Variants in CCDC138 observed in about 807,000 individuals in gnomAD.
CCDC138 encodes coiled-coil domain-containing protein 138.
In CCDC138, 66 loss-of-function variants were observed where a neutral mutation model predicts 82.3. That is an observed-to-expected ratio of 0.80 (90% CI 0.66 to 0.98). The LOEUF (loss-of-function observed/expected upper bound fraction) is 0.98. Among genes scored for constraint, CCDC138 ranks in the 50% least tolerant of loss-of-function variants. The pLI is 0.00. For synonymous variants in CCDC138, 297 were observed against 265.4 expected (o/e 1.12, Z -1.16); for missense variants, 816 against 758.9 (o/e 1.08, Z -0.88).
At chr2:108,844,816 C>A (rs978014042) in intron 11 of CCDC138, among the ~76,000 whole-genome samples, 1 of 149,982 alleles carries the variant, frequency 6.7e-6, no homozygotes, top group African/African-American at 2.5e-5. Context: ...GGCACGATCT[C>A]GGCTCACTGC....
rs540136233 is a variant in CCDC138 at position 108,805,412 on chromosome 2, A to G, written c.855+404A>G. Among the ~76,000 whole-genome samples, 5 of 152,248 alleles carry G rather than the reference A, an allele frequency of 3.3e-5. No individual in the cohort carries two copies. In the East Asian group the frequency reaches 7.7e-4, roughly 24 times the overall value. On this transcript the variant is annotated intron_variant, in intron 7 of 14. Transcript: ENST00000295124. Reference sequence around the variant, plus strand: ...TCTCATGGTTATAAACTGGTATCACATTGCAGTATACTTATTTATATAAGT... The same window carrying G: ...TCTCATGGTTATAAACTGGTATCACGTTGCAGTATACTTATTTATATAAGT...
At chr2:108,858,187 T>A (rs1692946674) in intron 13 of CCDC138, among the ~76,000 whole-genome samples, 1 of 152,050 alleles carries the variant, frequency 6.6e-6, no homozygotes, top group Admixed American at 6.5e-5. Context: ...GTACTAAAAA[T>A]ATAAAAATTA....
At chr2:108,850,550 C>G (rs921559021) in intron 12 of CCDC138, among the ~76,000 whole-genome samples, 1 of 152,134 alleles carries the variant, frequency 6.6e-6, no homozygotes, top group African/African-American at 2.4e-5. Context: ...TTCCCAGGTT[C>G]AAGCGATTCT....
intron 10 of CCDC138, among the ~76,000 whole-genome samples, chr2:108,816,890 C>T (rs1329821427): frequency 6.6e-6 from 1 of 152,158 alleles, no homozygotes; most frequent in Non-Finnish European, 1.5e-5. Flanking sequence ...AGAGATCAGA[C>T]CTGGCTTCAT....
intron 6 of CCDC138, among the ~76,000 whole-genome samples, chr2:108,804,156 T>C (rs1238316163): frequency 6.6e-6 from 1 of 152,160 alleles, no homozygotes; most frequent in Non-Finnish European, 1.5e-5. Context: ...ATATCACTAC[T>C]TGGAAGAAGG....
chr2:108,837,974 G>A (rs576439386), intron 10 of CCDC138, among the ~76,000 whole-genome samples: 1 of 151,936 alleles, frequency 6.6e-6, no homozygotes, highest in South Asian at 2.1e-4. Flanking sequence ...AGGAAGACAG[G>A]AGTCAAGGGG....
intron 7 of CCDC138, among the ~76,000 whole-genome samples, chr2:108,806,748 G>A (rs1682939565): frequency 6.6e-6 from 1 of 152,202 alleles, no homozygotes; most frequent in Admixed American, 6.5e-5. Flanking sequence ...AAAAAGATAT[G>A]TTATTTCTGT....
intron 14 of CCDC138, among the ~76,000 whole-genome samples, chr2:108,874,834 G>A (rs17036957): frequency 0.02 from 3,025 of 151,998 alleles, 97 homozygotes; most frequent in African/African-American, 0.069. Flanking sequence ...TAAATTCCTA[G>A]TAAGGCCTAT....
In CCDC138 at chr2:108,812,711, A is replaced by G. The variant is rs985032587; in HGVS notation, c.933+3A>G. On this transcript the variant is annotated splice_donor_region_variant and intron_variant, in intron 8 of 14. Transcript: ENST00000295124. Reference sequence around the variant, plus strand: ...AAGCTCGTTTAGATAATTTACAGGTAAGTTGCCTGTTCTTCTCTACAGACA... The same window carrying G: ...AAGCTCGTTTAGATAATTTACAGGTGAGTTGCCTGTTCTTCTCTACAGACA... The G allele has an allele frequency of 6.2e-7, 1 of 1,607,030 alleles. No homozygotes were observed. The highest frequency in any genetic ancestry group is 8.5e-7 in the Non-Finnish European group (1 of 1,173,820).
chr2:108,884,306 A>G (rs1696371995), intron 2 of CCDC138: 1 of 152,218 alleles, frequency 6.6e-6, no homozygotes, highest in Non-Finnish European at 1.5e-5. Flanking sequence ...GTGAATGTCA[A>G]AGAAAACAGG....
At chr2:108,827,169 T>C (rs1686755444) in intron 10 of CCDC138, among the ~76,000 whole-genome samples, 1 of 152,110 alleles carries the variant, frequency 6.6e-6, no homozygotes, top group Non-Finnish European at 1.5e-5. Flanking sequence ...ATGTTTAGCA[T>C]TGAAAGGCAG....
At chr2:108,803,824 A>G (rs1323584294) in intron 6 of CCDC138, among the ~76,000 whole-genome samples, 2 of 152,136 alleles carry the variant, frequency 1.3e-5, no homozygotes, top group South Asian at 4.1e-4. Context: ...GTGGGAGAAG[A>G]GTGTATTGAG....
At chr2:108,803,235 C>G (rs1326405132) in intron 6 of CCDC138, among the ~76,000 whole-genome samples, 5 of 152,196 alleles carry the variant, frequency 3.3e-5, no homozygotes, top group African/African-American at 1.2e-4. Context: ...CTGTGCCCGC[C>G]TGAGCGGCTC....
Position 108,816,041 on chromosome 2 carries a change from A to T in CCDC138, c.1142A>T (p.Asp381Val), listed in dbSNP as rs1478425097. 6.2e-7 allele frequency: 1 copy of T among 1,613,894 alleles called. No individual in the cohort carries two copies. Among genetic ancestry groups the T allele is most frequent in the Non-Finnish European group, 8.5e-7 (1 of 1,179,876 alleles). Reference protein sequence around the residue: ...SKVKHEESGMDGKKPQLKFAS... With the variant: ...SKVKHEESGMVGKKPQLKFAS... The stretch of plus-strand genomic sequence containing the variant: ...GTGAAACATGAAGAATCTGGAATGG[A>T]TGGTAAAAAACCACAACTCAAATTT... The change falls in exon 10 of 15, where the codon GAT (aspartate) becomes GTT (valine). Residue 381 changes from aspartate to valine, a missense_variant. Coordinates refer to ENST00000295124, the MANE Select transcript of CCDC138 (RefSeq NM_144978.3).
At position 108,873,579 on chromosome 2, in the gene CCDC138, TC is replaced by T; in HGVS notation, c.1824del (p.Ile610SerfsTer15). 1 of 1,593,578 alleles carries T rather than the reference TC, an allele frequency of 6.3e-7. No homozygotes were observed. Among genetic ancestry groups the T allele is most frequent in the Non-Finnish European group, 8.6e-7 (1 of 1,169,394 alleles). On this transcript the variant is annotated frameshift_variant, in exon 14 of 15. Coordinates refer to ENST00000295124, the MANE Select transcript of CCDC138 (RefSeq NM_144978.3). LOFTEE classifies it high-confidence loss of function. ...EKLSIILQKL[S>X]KIKSNKKLFE... The stretch of plus-strand genomic sequence containing the variant: ...ACTCAGTATTATTTTACAGAAACTT[TC>T]CAAAATCAAGTAAGAATTTCTTATT...
At chr2:108,829,066 T>C (rs1204213351) in intron 10 of CCDC138, among the ~76,000 whole-genome samples, 1 of 151,954 alleles carries the variant, frequency 6.6e-6, no homozygotes, top group Admixed American at 6.6e-5. Flanking sequence ...CACAGGAAAA[T>C]CTTCATGATA....
intron 7 of CCDC138, among the ~76,000 whole-genome samples, chr2:108,808,129 C>T (rs900338003): frequency 1.3e-5 from 2 of 152,160 alleles, no homozygotes; most frequent in Admixed American, 1.3e-4. Flanking sequence ...TCAGGTTCAT[C>T]CATGTTGCTG....
intron 10 of CCDC138, among the ~76,000 whole-genome samples, chr2:108,834,135 T>A (rs1348321052): frequency 1.3e-5 from 2 of 151,978 alleles, no homozygotes; most frequent in Admixed American, 6.6e-5. Context: ...TCCAAGTGTT[T>A]CCTGTCATCA....
chr2:108,806,947 G>A (rs1682977162), intron 7 of CCDC138, among the ~76,000 whole-genome samples: 1 of 152,202 alleles, frequency 6.6e-6, no homozygotes, highest in Non-Finnish European at 1.5e-5. Context: ...TTGGGACTGG[G>A]TGAATTAGAG....
Sources: gnomAD v4.1 joint callset for allele counts (sites outside exome capture counted in the v4.1 genomes callset) on GRCh38, gnomAD v4.1.1 for gene constraint, MANE v1.5 for transcripts, NCBI Gene and HGNC (gene_info 2026-07-23, HGNC 2026-07-21) for gene names.